PGAP1: variants seen among roughly 807,000 people sequenced by gnomAD.
PGAP1 encodes GPI inositol-deacylase.
A neutral mutation model predicts 127.0 loss-of-function variants in PGAP1; 76 were observed. That is an observed-to-expected ratio of 0.60 (90% CI 0.50 to 0.72). PGAP1 has a LOEUF of 0.72. PGAP1 is among the 30% of genes least tolerant of loss of function. The pLI is 0.00. For synonymous variants in PGAP1, 362 were observed against 366.5 expected (o/e 0.99, Z 0.14); for missense variants, 982 against 1,071.3 (o/e 0.92, Z 1.16).
intron 3 of PGAP1, among the ~76,000 whole-genome samples, chr2:196,913,699 C>T (rs1288075384): frequency 2.0e-5 from 3 of 152,172 alleles, no homozygotes; most frequent in Non-Finnish European, 4.4e-5. Flanking sequence ...TGTACCATCG[C>T]TTCTCAATGA....
intron 19 of PGAP1, among the ~76,000 whole-genome samples, chr2:196,865,635 T>C (rs575375060): frequency 3.9e-5 from 6 of 152,342 alleles, no homozygotes; most frequent in African/African-American, 1.2e-4. Flanking sequence ...TTAACTCATA[T>C]ATAACAAGTT....
intron 20 of PGAP1, among the ~76,000 whole-genome samples, chr2:196,851,360 G>A (rs1177568811): frequency 6.6e-6 from 1 of 152,038 alleles, no homozygotes; most frequent in Admixed American, 6.6e-5. Context: ...GCAACTACTT[G>A]TCCAACCTCG....
At position 196,918,844 on chromosome 2, in the gene PGAP1, T is replaced by C. The variant is rs1022470485; in HGVS notation, c.301+1153A>G. 2.6e-5 allele frequency among the ~76,000 whole-genome samples: 4 copies of C among 152,202 alleles called. 1 individual carries two copies. Among genetic ancestry groups the C allele is most frequent in the Non-Finnish European group, 5.9e-5 (4 of 68,018 alleles). On this transcript the variant is annotated intron_variant, in intron 2 of 26. Coordinates refer to ENST00000354764, the MANE Select transcript of PGAP1 (RefSeq NM_024989.4). ...TTTGTAACCAAATATCTATGTTCTATGTGTTTCTCTGTATGTAATATTTCA... is the reference window on the plus strand; with the variant it reads ...TTTGTAACCAAATATCTATGTTCTACGTGTTTCTCTGTATGTAATATTTCA...
chr2:196,898,492 G>T, intron 5 of PGAP1, 123 bp from the exon 6 acceptor site: 1 of 574,064 alleles, frequency 1.7e-6, no homozygotes, highest in South Asian at 2.6e-5. Flanking sequence ...GTGAGGCCTA[G>T]ACATTTTTAA....
At chr2:196,923,700 GC>G (rs1202072529) in intron 1 of PGAP1, among the ~76,000 whole-genome samples, 1 of 141,126 alleles carries the variant, frequency 7.1e-6, no homozygotes, top group South Asian at 2.2e-4. Context: ...TCTCACTGTC[GC>G]CCCGCCTGGA....
chr2:196,841,522 C>A (rs190201611), intron 26 of PGAP1, 150 bp from the exon 27 acceptor site: 37 of 667,512 alleles, frequency 5.5e-5, no homozygotes, highest in East Asian at 3.4e-4. Context: ...TTCATAATTT[C>A]TTTTTTTATT....
At chr2:196,900,021 A>G (rs1016938676) in intron 5 of PGAP1, among the ~76,000 whole-genome samples, 2 of 152,184 alleles carry the variant, frequency 1.3e-5, no homozygotes, top group African/African-American at 4.8e-5. Flanking sequence ...CTGGGCAACA[A>G]GAGCGAAACT....
At chr2:196,911,844 A>G (rs1054065583) in intron 4 of PGAP1, among the ~76,000 whole-genome samples, 2 of 152,180 alleles carry the variant, frequency 1.3e-5, no homozygotes, top group Admixed American at 6.5e-5. Context: ...TGTCAATCAC[A>G]AACTCCTACT....
In PGAP1 at chr2:196,919,987, TAA is replaced by T; in HGVS notation, c.301+8_301+9del. Reference sequence around the variant, plus strand: ...TATAGCTTTCAAAATTTACTTCCAGTAAGACTTACCTTGCTTATAACTTCCAG... The same window carrying T: ...TATAGCTTTCAAAATTTACTTCCAGTGACTTACCTTGCTTATAACTTCCAG... On this transcript the variant is annotated splice_region_variant and intron_variant, in intron 2 of 26. Coordinates refer to ENST00000354764, the MANE Select transcript of PGAP1 (RefSeq NM_024989.4). 6.3e-7 allele frequency: 1 copy of T among 1,597,594 alleles called. No individual in the cohort carries two copies. Among genetic ancestry groups the T allele is most frequent in the African/African-American group, 1.4e-5 (1 of 74,014 alleles).
At chr2:196,917,873 A>G (rs947144361) in intron 2 of PGAP1, among the ~76,000 whole-genome samples, 2 of 152,122 alleles carry the variant, frequency 1.3e-5, no homozygotes, top group Non-Finnish European at 2.9e-5. Context: ...TTTGGGCCAC[A>G]TGAGAGCTCT....
At chr2:196,884,326 T>C (rs1701826519) in intron 12 of PGAP1, among the ~76,000 whole-genome samples, 1 of 152,170 alleles carries the variant, frequency 6.6e-6, no homozygotes, top group East Asian at 1.9e-4. Flanking sequence ...CCTAACACTT[T>C]TGTTTGTTTT....
At chr2:196,860,802 T>A (rs1701040742) in intron 20 of PGAP1, among the ~76,000 whole-genome samples, 1 of 152,114 alleles carries the variant, frequency 6.6e-6, no homozygotes, top group Non-Finnish European at 1.5e-5. Flanking sequence ...CCCATCAAAA[T>A]ACCAATGAGA....
At chr2:196,849,357 G>C (rs143294841) in intron 20 of PGAP1, among the ~76,000 whole-genome samples, 2 of 150,718 alleles carry the variant, frequency 1.3e-5, no homozygotes, top group East Asian at 3.9e-4. Context: ...TCTGCCTCCC[G>C]GGTTCATGCC....
chr2:196,869,581 A>G (rs1701349242), intron 19 of PGAP1, among the ~76,000 whole-genome samples: 2 of 152,162 alleles, frequency 1.3e-5, no homozygotes, highest in Admixed American at 1.3e-4. Context: ...TGATCCATCC[A>G]CCTCAGCCTC....
rs1703377244 is a variant in PGAP1, at chr2:196,926,682, A to G, written c.-66T>C. The G allele has an allele frequency of 2.5e-6, 4 of 1,606,658 alleles. No homozygotes were observed. The highest frequency in any genetic ancestry group is 2.7e-5 in the African/African-American group (2 of 74,760). ...CCTCCTTCTCCGCCGCGGGGCCCCA[A>G]GCCCGGACTGAGCGTGCTAGACACT... On this transcript the variant is annotated 5_prime_UTR_variant, in exon 1 of 27. Transcript: ENST00000354764.
At position 196,902,658 on chromosome 2, in the gene PGAP1, C is replaced by T. The variant is rs757360148; in HGVS notation, c.734G>A (p.Arg245Gln). 1.4e-5 allele frequency: 22 copies of T among 1,613,178 alleles called. No individual in the cohort carries two copies. Among genetic ancestry groups the T allele is most frequent in the Admixed American group, 3.3e-5 (2 of 59,946 alleles). ...CAATCCTGAACGAACTTGGTAATCC[C>T]GGAATCCTCCAGCTACAGAAAGTGT... is the stretch of plus-strand genomic sequence containing the variant. The part of the protein sequence containing the change: ...LTTLSVAGGF[R>Q]DYQVRSGLTF... The change falls in exon 5 of 27, where the codon CGG becomes CAG. Residue 245 changes from arginine (R) to glutamine (Q), a missense_variant. Coordinates refer to ENST00000354764, the MANE Select transcript of PGAP1 (RefSeq NM_024989.4).
intron 20 of PGAP1, among the ~76,000 whole-genome samples, chr2:196,863,183 G>C (rs1177073292): frequency 6.6e-6 from 1 of 152,032 alleles, no homozygotes; most frequent in African/African-American, 2.4e-5. Flanking sequence ...ACTACAAATA[G>C]ATCTGCCATA....
chr2:196,892,426 T>C, intron 8 of PGAP1, 25 bp from the exon 9 acceptor site: 1 of 1,111,574 alleles, frequency 9.0e-7, no homozygotes, highest in Non-Finnish European at 1.3e-6. Flanking sequence ...AATTAATTTA[T>C]TTGCCTTGTT....
rs1288465750 is a variant in PGAP1, at chr2:196,872,473, TA to T, written c.1695del (p.Phe565LeufsTer13). 1 of 1,612,608 alleles carries T rather than the reference TA, an allele frequency of 6.2e-7. No homozygotes were observed. Among genetic ancestry groups the T allele is most frequent in the African/African-American group, 1.3e-5 (1 of 74,902 alleles). On this transcript the variant is annotated frameshift_variant, in exon 18 of 27. Transcript: ENST00000354764. LOFTEE classifies it high-confidence loss of function. ...CGACAGTCTGATGACGTGTACATTT[TA>T]AATAATGCCACATGGGTATTGTTTT... ...QPENNTHVAL[F>X]KMYTSSDCRY...
Sources: gnomAD v4.1 joint callset for allele counts (sites outside exome capture counted in the v4.1 genomes callset) on GRCh38, gnomAD v4.1.1 for gene constraint, MANE v1.5 for transcripts, NCBI Gene and HGNC (gene_info 2026-07-23, HGNC 2026-07-21) for gene names.